ANKRD30A: variants seen among roughly 807,000 people sequenced by gnomAD.
ANKRD30A encodes ankyrin repeat domain-containing protein 30A.
Under a neutral mutation model 166.3 loss-of-function variants are expected in ANKRD30A, and 170 were observed. The observed-to-expected ratio is 1.02, with a 90% CI of 0.90 to 1.16. The LOEUF is 1.16. Among genes scored for constraint, ANKRD30A ranks in the 50% most tolerant of loss-of-function variants. The probability of loss-of-function intolerance (pLI) is 0.00; values close to 1 mark genes in which losing one functional copy is unlikely to be tolerated. For missense variants in ANKRD30A, 1,630 were observed against 1,518.0 expected, an observed-to-expected ratio of 1.07 and a Z score of -1.23; for synonymous variants, 564 against 508.9, an observed-to-expected ratio of 1.11 and a Z score of -1.46.
intron 11 of ANKRD30A, 136 bp from the exon 12 acceptor site, chr10:37,151,924 T>A: frequency 1.5e-6 from 1 of 685,286 alleles, no homozygotes; most frequent in Non-Finnish European, 2.4e-6. Context: ...AAGTAGTTAT[T>A]GTAATCGACA....
intron 27 of ANKRD30A, among the ~76,000 whole-genome samples, chr10:37,194,491 C>T (rs1328735349): frequency 4.6e-5 from 7 of 151,966 alleles, no homozygotes; most frequent in African/African-American, 1.4e-4. Context: ...CAGGCGCGTG[C>T]CACCACGCCT....
rs1427902480 is a variant in ANKRD30A at position 37,125,699 on chromosome 10, A to C, written c.-89A>C. On this transcript the variant is annotated 5_prime_UTR_variant, in exon 1 of 36. Transcript: ENST00000361713. ...ATCGAGGCGGTGCGTGGACTGAAGA[A>C]GGGCGAGGGCGATTGGGGAGGGGTG... 2 of 444,914 alleles carry C rather than the reference A, an allele frequency of 4.5e-6. No individual in the cohort carries two copies. Among genetic ancestry groups the C allele is most frequent in the African/African-American group, 6.7e-5 (2 of 30,052 alleles). The allele number at this position is 444,914 out of a possible 1,614,324, so 27.6% of individuals were successfully genotyped here.
chr10:37,201,219 A>C lies in ANKRD30A; in HGVS notation c.2779-16A>C, dbSNP rs767760523. 1.1e-5 allele frequency: 16 copies of C among 1,484,084 alleles called. No individual in the cohort carries two copies. Among genetic ancestry groups the C allele is most frequent in the South Asian group, 3.9e-5 (3 of 76,422 alleles). The allele number at this position is 1,484,084 out of a possible 1,614,324, so 91.9% of individuals were successfully genotyped here. On this transcript the variant is annotated splice_polypyrimidine_tract_variant and intron_variant, in intron 30 of 35. Coordinates refer to ENST00000361713, the MANE Select transcript of ANKRD30A (RefSeq NM_052997.3). ...ATTTTTCCATTGAAATTATTTATTG[A>C]TATTACTTTTAACAGAGTCTCCGTG...
At chr10:37,217,431 T>C (rs1228962875) in intron 32 of ANKRD30A, among the ~76,000 whole-genome samples, 2 of 150,966 alleles carry the variant, frequency 1.3e-5, no homozygotes, top group Non-Finnish European at 3.0e-5. Flanking sequence ...CTGGATAGCT[T>C]CCAATATTCT....
intron 19 of ANKRD30A, among the ~76,000 whole-genome samples, chr10:37,167,915 A>G (rs1839486616): frequency 8.1e-6 from 1 of 123,014 alleles, no homozygotes; most frequent in African/African-American, 3.3e-5. Context: ...TTGTAATGCA[A>G]TGATATAAAT....
At chr10:37,144,785 A>G (rs1837383636) in intron 7 of ANKRD30A, among the ~76,000 whole-genome samples, 1 of 150,336 alleles carries the variant, frequency 6.7e-6, no homozygotes, top group Non-Finnish European at 1.5e-5. Flanking sequence ...ATTTTTTTGC[A>G]TTCTAATGAA....
intron 26 of ANKRD30A, 27 bp downstream of exon 26, chr10:37,193,119 A>T (rs1243308337): frequency 6.2e-7 from 1 of 1,604,194 alleles, no homozygotes; most frequent in African/African-American, 1.3e-5. Flanking sequence ...TTTTATCTTG[A>T]GTATTAACTA....
rs182430847 is a variant in ANKRD30A at position 37,193,807 on chromosome 10, G to A, written c.2614+549G>A. ...TAGAAGAGTGACCCCAAAGCATTTG[G>A]CCTTGGTGTCTTTTAATGCTACTGT... On this transcript the variant is annotated intron_variant, in intron 27 of 35. Coordinates refer to ENST00000361713, the MANE Select transcript of ANKRD30A (RefSeq NM_052997.3). 5.9e-5 allele frequency among the ~76,000 whole-genome samples: 9 copies of A among 152,234 alleles called. No homozygotes were observed. The South Asian group carries it at 1.7e-3, about 28-fold the overall frequency.
intron 11 of ANKRD30A, among the ~76,000 whole-genome samples, chr10:37,150,576 T>G (rs1837852893): frequency 1.3e-5 from 2 of 152,132 alleles, no homozygotes; most frequent in Non-Finnish European, 1.5e-5. Flanking sequence ...GTACAATTTT[T>G]TTCAACTTCT....
At position 37,151,951 on chromosome 10, in the gene ANKRD30A, C is replaced by T. The variant is rs17590106; in HGVS notation, c.1646-109C>T. Reference sequence around the variant, plus strand: ...TAATCGACAAAAAGAATATACGGGCCACAGAGGAAAAACCACAGATTCGTG... The same window carrying T: ...TAATCGACAAAAAGAATATACGGGCTACAGAGGAAAAACCACAGATTCGTG... On this transcript the variant is annotated intron_variant, in intron 11 of 35. Transcript: ENST00000361713. The T allele has an allele frequency of 1.3e-5, 12 of 943,624 alleles. 1 individual carries two copies. The East Asian group carries it at 3.3e-4, about 26-fold the overall frequency. The allele number at this position is 943,624 out of a possible 1,614,324, so 58.5% of individuals were successfully genotyped here. A position where few individuals can be genotyped will look rare whatever the true frequency, so the allele number is the denominator to read the frequency against.
intron 7 of ANKRD30A, among the ~76,000 whole-genome samples, chr10:37,144,325 A>G (rs1254158306): frequency 1.3e-5 from 2 of 152,166 alleles, no homozygotes; most frequent in African/African-American, 2.4e-5. Flanking sequence ...TTTTTCCTAT[A>G]AATTTTTAAT....
chr10:37,231,600 C>G lies in ANKRD30A; in HGVS notation c.*131C>G. The G allele has an allele frequency of 3.3e-6, 2 of 604,446 alleles. No homozygotes were observed. Among genetic ancestry groups the G allele is most frequent in the Non-Finnish European group, 5.3e-6 (2 of 378,376 alleles). The allele number at this position is 604,446 out of a possible 1,614,324, so 37.4% of individuals were successfully genotyped here. ...ACCAATAGTCTGTGTCAACAGAATACTTATTTTAGAAGAAAAATTCATGAT... is the reference window on the plus strand; with the variant it reads ...ACCAATAGTCTGTGTCAACAGAATAGTTATTTTAGAAGAAAAATTCATGAT... On this transcript the variant is annotated 3_prime_UTR_variant, in exon 35 of 36. Coordinates refer to ENST00000361713, the MANE Select transcript of ANKRD30A (RefSeq NM_052997.3).
intron 29 of ANKRD30A, among the ~76,000 whole-genome samples, chr10:37,198,595 A>C (rs1303471046): frequency 6.6e-6 from 1 of 151,970 alleles, no homozygotes; most frequent in Admixed American, 6.6e-5. Flanking sequence ...CTTCTTAGAG[A>C]TATGGTGTTG....
chr10:37,165,219 T>A lies in ANKRD30A; in HGVS notation c.2064+64T>A, dbSNP rs1839220727. ...CATGATATGAAAACATAAAATCAGA[T>A]GCTTAGTCTTTATTTTCTCACCTCT... On this transcript the variant is annotated intron_variant, in intron 18 of 35. Coordinates refer to ENST00000361713, the MANE Select transcript of ANKRD30A (RefSeq NM_052997.3). 2.1e-6 allele frequency: 3 copies of A among 1,454,582 alleles called. No homozygotes were observed. The South Asian group carries it at 3.5e-5, about 17-fold the overall frequency. The allele number at this position is 1,454,582 out of a possible 1,614,324, so 90.1% of individuals were successfully genotyped here.
chr10:37,128,954 T>A (rs1836220045), intron 1 of ANKRD30A, among the ~76,000 whole-genome samples: 1 of 152,164 alleles, frequency 6.6e-6, no homozygotes, highest in Admixed American at 6.6e-5. Context: ...TAAATCTAAA[T>A]ATGAATTTAC....
the ANKRD30A span, among the ~76,000 whole-genome samples, chr10:37,258,902 G>T: frequency 2.1e-5 from 3 of 145,754 alleles, no homozygotes; most frequent in Admixed American, 7.1e-5. Flanking sequence ...TGAGGAGGTT[G>T]CAGTGAGCCG....
At chr10:37,205,868 G>C (rs1841958537) in intron 31 of ANKRD30A, among the ~76,000 whole-genome samples, 1 of 152,144 alleles carries the variant, frequency 6.6e-6, no homozygotes, top group Non-Finnish European at 1.5e-5. Context: ...TGATGCTGGT[G>C]GTTCTTGGAC....
chr10:37,232,632 T>A (rs1190387447), downstream of ANKRD30A: 1 of 115,570 alleles, frequency 8.7e-6, no homozygotes, highest in East Asian at 3.1e-4. Context: ...AATGACAAGA[T>A]GTATAAATTG....
chr10:37,232,629 AG>A (rs1450279009), downstream of ANKRD30A: 2 of 119,584 alleles, frequency 1.7e-5, no homozygotes, highest in Non-Finnish European at 3.5e-5. Flanking sequence ...AGCAATGACA[AG>A]ATGTATAAAT....
Sources: allele counts gnomAD v4.1 joint callset (sites outside exome capture counted in the v4.1 genomes callset), GRCh38; gene constraint gnomAD v4.1.1; transcripts MANE v1.5; gene names NCBI Gene and HGNC (gene_info 2026-07-23, HGNC 2026-07-21).